The following PPFIA2 variants were observed in gnomAD, a reference collection of about 807,000 sequenced individuals.
The protein encoded by PPFIA2 is liprin-alpha-2.
A neutral mutation model predicts 175.5 loss-of-function variants in PPFIA2; 46 were observed. The ratio of observed to expected loss-of-function variants is 0.26; its 90% CI spans 0.21 to 0.34. The LOEUF is 0.34. Ranked by LOEUF, PPFIA2 falls within the 10% of genes least tolerant of loss-of-function variation. PPFIA2 has a pLI of 1.00. For missense variants in PPFIA2, 1,179 were observed against 1,506.1 expected, an observed-to-expected ratio of 0.78 and a Z score of 3.60; for synonymous variants, 568 against 511.4, an observed-to-expected ratio of 1.11 and a Z score of -1.49.
intron 4 of PPFIA2, among the ~76,000 whole-genome samples, chr12:81,597,166 A>T (rs939067496): frequency 2.0e-5 from 3 of 152,074 alleles, no homozygotes; most frequent in Non-Finnish European, 4.4e-5. Context: ...TTTTCATGTA[A>T]CGATGATATG....
At chr12:81,436,413 T>G (rs910712387) in intron 7 of PPFIA2, among the ~76,000 whole-genome samples, 2 of 151,206 alleles carry the variant, frequency 1.3e-5, no homozygotes, top group South Asian at 2.1e-4. Context: ...GGTTCCTGAT[T>G]ATTCGGCTCT....
intron 22 of PPFIA2, among the ~76,000 whole-genome samples, chr12:81,319,597 T>C (rs1192297155): frequency 6.6e-6 from 1 of 151,852 alleles, no homozygotes; most frequent in Non-Finnish European, 1.5e-5. Flanking sequence ...AGTAATTGTG[T>C]CTGTACTAAA....
At chr12:81,514,172 C>T (rs2062125969) in intron 4 of PPFIA2, among the ~76,000 whole-genome samples, 1 of 151,774 alleles carries the variant, frequency 6.6e-6, no homozygotes, top group South Asian at 2.1e-4. Context: ...CAGTCAAGTT[C>T]CCCCCCTGAA....
chr12:81,349,380 T>A (rs972217969), intron 17 of PPFIA2, among the ~76,000 whole-genome samples: 3 of 152,178 alleles, frequency 2.0e-5, no homozygotes, highest in African/African-American at 7.2e-5. Context: ...ACATTTACAC[T>A]TAATTATAAT....
chr12:81,289,794 A>C (rs2044421228), intron 24 of PPFIA2, among the ~76,000 whole-genome samples: 1 of 151,812 alleles, frequency 6.6e-6, no homozygotes, highest in African/African-American at 2.4e-5. Flanking sequence ...CATTTCTGTA[A>C]TTTTTACCTG....
intron 4 of PPFIA2, among the ~76,000 whole-genome samples, chr12:81,567,173 G>A (rs911772486): frequency 2.6e-5 from 4 of 152,096 alleles, no homozygotes; most frequent in Non-Finnish European, 4.4e-5. Flanking sequence ...TCGGCCTCCC[G>A]AGTAGCTGGG....
chr12:81,590,292 T>C (rs2058519874), intron 4 of PPFIA2, among the ~76,000 whole-genome samples: 1 of 152,096 alleles, frequency 6.6e-6, no homozygotes, highest in African/African-American at 2.4e-5. Context: ...CCATAAGAAG[T>C]TATATGGTCC....
chr12:81,755,723 T>C (rs988836512), intron 2 of PPFIA2, among the ~76,000 whole-genome samples: 1 of 152,128 alleles, frequency 6.6e-6, no homozygotes, highest in African/African-American at 2.4e-5. Flanking sequence ...CATTGAACAT[T>C]AGGAAAGTTT....
At chr12:81,743,449 T>C (rs2082613791) in intron 3 of PPFIA2, among the ~76,000 whole-genome samples, 1 of 112,650 alleles carries the variant, frequency 8.9e-6, no homozygotes, top group Admixed American at 9.3e-5. Flanking sequence ...AAAAAAACTT[T>C]TGCTGTAAAG....
At chr12:81,512,423 G>A (rs557097496) in intron 4 of PPFIA2, 95 of 1,096,150 alleles carry the variant, frequency 8.7e-5, no homozygotes, top group Non-Finnish European at 1.0e-4. Context: ...AGCCTAAAAT[G>A]GAATTTTTCT....
chr12:81,472,686 T>G (rs1164374462), intron 4 of PPFIA2: 1 of 152,188 alleles, frequency 6.6e-6, no homozygotes, highest in Non-Finnish European at 1.5e-5. Flanking sequence ...TCAATAGCAT[T>G]TATTGATTGT....
At position 81,451,659 on chromosome 12, in the gene PPFIA2, A is replaced by G. The variant is rs1324033606; in HGVS notation, c.406-5939T>C. Reference sequence around the variant, plus strand: ...ACCAAATATGTTTTTATTAATATAAACAGACTCCTTAAGGGATGAACGATT... The same window carrying G: ...ACCAAATATGTTTTTATTAATATAAGCAGACTCCTTAAGGGATGAACGATT... On this transcript the variant is annotated intron_variant, in intron 5 of 32. Coordinates refer to ENST00000549396, the MANE Select transcript of PPFIA2 (RefSeq NM_003625.5). Among the ~76,000 whole-genome samples the G allele has an allele frequency of 2.0e-5, 3 of 152,304 alleles. No individual in the cohort carries two copies. The South Asian group carries it at 6.2e-4, about 32-fold the overall frequency.
chr12:81,350,539 A>C (rs1385005833), intron 17 of PPFIA2: 1 of 152,220 alleles, frequency 6.6e-6, no homozygotes, highest in Non-Finnish European at 1.5e-5. Flanking sequence ...TTCCAGAAGA[A>C]AGGGATGACA....
intron 4 of PPFIA2, among the ~76,000 whole-genome samples, chr12:81,671,976 T>C (rs1196619955): frequency 6.6e-6 from 1 of 152,012 alleles, no homozygotes. Context: ...CATGATATTA[T>C]AATTGGTTTT....
rs1305083515 is a variant in PPFIA2, at chr12:81,457,832, C to G, written c.338G>C (p.Cys113Ser). 2 of 1,608,870 alleles carry G rather than the reference C, an allele frequency of 1.2e-6. No individual in the cohort carries two copies. The highest frequency in any genetic ancestry group is 3.4e-5 in the Admixed American group (2 of 59,472). The part of the protein sequence containing the change: ...FAALTKELNA[C>S]REQLLEKEEE... ...TTCCTTTTCTAGAAGTTGTTCCCTGCAGGCATTTAATTCTTTTGTCAGTGC... is the reference window on the plus strand; with the variant it reads ...TTCCTTTTCTAGAAGTTGTTCCCTGGAGGCATTTAATTCTTTTGTCAGTGC... The change falls in exon 5 of 33, where the codon TGC (cysteine) becomes TCC (serine). Residue 113 changes from cysteine to serine, a missense_variant. By Grantham distance (112) the Cys-to-Ser change is moderately radical (BLOSUM62 -1). Coordinates refer to ENST00000549396, the MANE Select transcript of PPFIA2 (RefSeq NM_003625.5).
intron 3 of PPFIA2, among the ~76,000 whole-genome samples, chr12:81,686,012 A>G (rs776004033): frequency 3.9e-5 from 6 of 152,066 alleles, no homozygotes; most frequent in Non-Finnish European, 7.4e-5. Flanking sequence ...CACACAGCCA[A>G]TAAGTATTCA....
At chr12:81,420,213 G>C (rs1298555316) in intron 7 of PPFIA2, among the ~76,000 whole-genome samples, 1 of 152,090 alleles carries the variant, frequency 6.6e-6, no homozygotes, top group Non-Finnish European at 1.5e-5. Flanking sequence ...AGTACATAAA[G>C]TTTAAAGAGG....
chr12:81,447,214 A>G (rs1235120904), intron 5 of PPFIA2, among the ~76,000 whole-genome samples: 4 of 152,112 alleles, frequency 2.6e-5, no homozygotes, highest in Non-Finnish European at 4.4e-5. Flanking sequence ...AAATTTATCA[A>G]TCTCTGATTA....
intron 4 of PPFIA2, among the ~76,000 whole-genome samples, chr12:81,657,064 T>G (rs1355866475): frequency 6.6e-6 from 1 of 152,154 alleles, no homozygotes. Context: ...AAATTTCACG[T>G]TTTGCTGATT....
Sources: gnomAD v4.1 joint callset for allele counts (sites outside exome capture counted in the v4.1 genomes callset) on GRCh38, gnomAD v4.1.1 for gene constraint, MANE v1.5 for transcripts, NCBI Gene and HGNC (gene_info 2026-07-23, HGNC 2026-07-21) for gene names.